The following CLSTN1 variants were observed in gnomAD, a reference collection of about 807,000 sequenced individuals.
CLSTN1 encodes calsyntenin-1.
In CLSTN1, 28 loss-of-function variants were observed where a neutral mutation model predicts 108.3. That is an observed-to-expected ratio of 0.26 (90% CI 0.19 to 0.35). The LOEUF (loss-of-function observed/expected upper bound fraction) is 0.35, where lower values mean the gene tolerates loss of function less well. Among genes scored for constraint, CLSTN1 ranks in the 10% least tolerant of loss-of-function variants. The pLI is 1.00. For missense variants in CLSTN1, 1,157 were observed against 1,302.6 expected, an observed-to-expected ratio of 0.89 and a Z score of 1.72; for synonymous variants, 524 against 534.9, an observed-to-expected ratio of 0.98 and a Z score of 0.28.
At chr1:9,802,304 CA>C (rs1363883581) in intron 1 of CLSTN1, among the ~76,000 whole-genome samples, 1 of 152,188 alleles carries the variant, frequency 6.6e-6, no homozygotes, top group Non-Finnish European at 1.5e-5. Flanking sequence ...AGAATTCCAG[CA>C]GGGCCTGGCT....
Position 9,743,945 on chromosome 1 carries a change from C to A in CLSTN1, c.1295G>T (p.Arg432Leu), listed in dbSNP as rs767080492. The A allele has an allele frequency of 1.2e-6, 2 of 1,614,106 alleles. No individual in the cohort carries two copies. Among genetic ancestry groups the A allele is most frequent in the African/African-American group, 2.7e-5 (2 of 75,014 alleles). ...TTTCTTCTCCTCAGAAGGATCCTGACGGAAGAGGAAGATCAGCCGGCACCC... is the reference window on the plus strand; with the variant it reads ...TTTCTTCTCCTCAGAAGGATCCTGAAGGAAGAGGAAGATCAGCCGGCACCC... The part of the protein sequence containing the change: ...VHGCRLIFLF[R>L]QDPSEEKKYR... The change falls in exon 9 of 19, where the codon CGT becomes CTT. Residue 432 changes from arginine to leucine, a missense_variant. Arg to Leu is a moderately radical substitution (Grantham distance 102). Transcript: ENST00000377298.
rs1208647074 is a variant in CLSTN1 at position 9,818,774 on chromosome 1, ACTCTTTTTTTTTTT to A, written c.91+4855_91+4868del. On this transcript the variant is annotated intron_variant, in intron 1 of 18. Coordinates refer to ENST00000377298, the MANE Select transcript of CLSTN1 (RefSeq NM_001009566.3). ...TTATAAAGACATATTTCTTCAAGCA[ACTCTTTTTTTTTTT>A]TTTTTTTTTTTTTTTTGAGACGGAG... Among the ~76,000 whole-genome samples, 15 of 135,626 alleles carry A rather than the reference ACTCTTTTTTTTTTT, an allele frequency of 1.1e-4. No individual in the cohort carries two copies. In the South Asian group the frequency reaches 2.1e-3, roughly 19 times the overall value. The allele number at this position is 135,626 out of a possible 152,430, so 89.0% of individuals were successfully genotyped here. A position where few individuals can be genotyped will look rare whatever the true frequency, so the allele number is the denominator to read the frequency against.
At chr1:9,783,810 T>C (rs1352541802) in intron 1 of CLSTN1, among the ~76,000 whole-genome samples, 1 of 152,050 alleles carries the variant, frequency 6.6e-6, no homozygotes, top group Non-Finnish European at 1.5e-5. Flanking sequence ...CTGGCAAACA[T>C]GGTGAAACCC....
intron 2 of CLSTN1, among the ~76,000 whole-genome samples, chr1:9,762,992 C>T (rs1335366236): frequency 3.9e-5 from 6 of 152,016 alleles, no homozygotes; most frequent in Non-Finnish European, 2.9e-5. Flanking sequence ...GACAGAGTCT[C>T]GCTCTGTCAC....
At chr1:9,813,034 G>A (rs1016073610) in intron 1 of CLSTN1, among the ~76,000 whole-genome samples, 2 of 151,438 alleles carry the variant, frequency 1.3e-5, no homozygotes, top group Non-Finnish European at 2.9e-5. Context: ...CATGGTGGCG[G>A]GTGCCTAGTA....
At chr1:9,770,785 G>C (rs1452567112) in intron 2 of CLSTN1, among the ~76,000 whole-genome samples, 1 of 152,188 alleles carries the variant, frequency 6.6e-6, no homozygotes, top group Non-Finnish European at 1.5e-5. Flanking sequence ...CCTGAGGTCA[G>C]GAGTTCAAGA....
chr1:9,737,632 T>A, intron 10 of CLSTN1, 78 bp from the exon 11 acceptor site: 1 of 1,252,130 alleles, frequency 8.0e-7, no homozygotes, highest in Non-Finnish European at 1.2e-6. Context: ...AAAACCAGGT[T>A]TGAAGCAACC....
intron 1 of CLSTN1, among the ~76,000 whole-genome samples, chr1:9,799,381 C>T (rs560378120): frequency 6.0e-4 from 92 of 152,148 alleles, no homozygotes; most frequent in African/African-American, 2.1e-3. Context: ...GTGGCTCACG[C>T]CTATAATCTC....
intron 1 of CLSTN1, among the ~76,000 whole-genome samples, chr1:9,816,803 C>T (rs755090207): frequency 6.6e-6 from 1 of 152,164 alleles, no homozygotes; most frequent in Non-Finnish European, 1.5e-5. Flanking sequence ...TGTGCCACCA[C>T]GCCCAGCTAA....
intron 1 of CLSTN1, among the ~76,000 whole-genome samples, chr1:9,814,411 C>CT (rs1408485006): frequency 1.3e-5 from 2 of 152,032 alleles, no homozygotes; most frequent in Non-Finnish European, 2.9e-5. Context: ...CTTTGCTATA[C>CT]TTTAAGTATG....
At chr1:9,747,176 C>CAAAAAAAAAAAAAAAAA (rs70998306) in intron 7 of CLSTN1, among the ~76,000 whole-genome samples, 1 of 32,744 alleles carries the variant, frequency 3.1e-5, no homozygotes, top group African/African-American at 8.2e-5. Flanking sequence ...GAGACTGTCT[C>CAAAAAAAAAAAAAAAAA]AAAAAAAAAA....
chr1:9,803,274 T>C (rs1173505119), intron 1 of CLSTN1, among the ~76,000 whole-genome samples: 1 of 152,128 alleles, frequency 6.6e-6, no homozygotes, highest in Non-Finnish European at 1.5e-5. Flanking sequence ...ACTGGATTTA[T>C]GGGATATAGT....
chr1:9,747,650 C>A (rs1222643699), intron 7 of CLSTN1, among the ~76,000 whole-genome samples: 1 of 152,000 alleles, frequency 6.6e-6, no homozygotes, highest in Non-Finnish European at 1.5e-5. Context: ...GCACCTCGCA[C>A]CACGCCTGGC....
Position 9,735,108 on chromosome 1 carries a change from G to T in CLSTN1, c.1950C>A (p.Pro650=). The change falls in exon 14 of 19, where the codon CCC becomes CCA. Residue 650 remains proline (P), a synonymous_variant. Transcript: ENST00000377298. ...CACTCAGGCTGATCTTGGGCTCCTCGGGCTGTAAAACCATCACGTAGCCAT... is the reference window on the plus strand; with the variant it reads ...CACTCAGGCTGATCTTGGGCTCCTCTGGCTGTAAAACCATCACGTAGCCAT... The part of the protein sequence containing the change: ...PVDGYVMVLQ[P]EEPKISLSGV... 1 of 1,614,188 alleles carries T rather than the reference G, an allele frequency of 6.2e-7. No individual in the cohort carries two copies. The highest frequency in any genetic ancestry group is 8.5e-7 in the Non-Finnish European group (1 of 1,180,026).
At chr1:9,748,766 G>T (rs1485747725) in intron 7 of CLSTN1, among the ~76,000 whole-genome samples, 2 of 152,086 alleles carry the variant, frequency 1.3e-5, no homozygotes, top group African/African-American at 4.8e-5. Flanking sequence ...TAAGATTATA[G>T]GCATGAGCCC....
intron 1 of CLSTN1, among the ~76,000 whole-genome samples, chr1:9,799,801 C>T (rs772499723): frequency 8.6e-5 from 13 of 151,652 alleles, no homozygotes; most frequent in Non-Finnish European, 8.8e-5. Flanking sequence ...ATTAGCTGGG[C>T]GTGCTGGTGG....
In CLSTN1 at chr1:9,730,168, C is replaced by T; in HGVS notation, c.*340G>A. 2.6e-6 allele frequency: 1 copy of T among 382,748 alleles called. No individual in the cohort carries two copies. The highest frequency in any genetic ancestry group is 4.8e-6 in the Non-Finnish European group (1 of 208,036). The allele number at this position is 382,748 out of a possible 1,614,324, so 23.7% of individuals were successfully genotyped here. A position where few individuals can be genotyped will look rare whatever the true frequency, so the allele number is the denominator to read the frequency against. On this transcript the variant is annotated 3_prime_UTR_variant, in exon 19 of 19. Coordinates refer to ENST00000377298, the MANE Select transcript of CLSTN1 (RefSeq NM_001009566.3). This position sits in a 1 kb window ranked among gnomAD's most constrained non-coding sequence, Gnocchi z 5.6. ...TTTTACCCTTTGTCAACGAGCCCAG[C>T]TGGCATGGCTTTTCTGGAGTGCGAG... is the stretch of plus-strand genomic sequence containing the variant.
At chr1:9,794,399 C>A (rs1653899730) in intron 1 of CLSTN1, among the ~76,000 whole-genome samples, 1 of 151,486 alleles carries the variant, frequency 6.6e-6, no homozygotes, top group African/African-American at 2.4e-5. Flanking sequence ...ACCTCCTCCT[C>A]CCAGGCTCAA....
chr1:9,750,715 C>CAAAAAAAAAA (rs775430059), intron 5 of CLSTN1, among the ~76,000 whole-genome samples: 1,863 of 77,010 alleles, frequency 0.024, 52 homozygotes, highest in Non-Finnish European at 0.04. Flanking sequence ...TTCCCTCAAA[C>CAAAAAAAAAA]AAAAAAAAAA....
Sources: gnomAD v4.1 joint callset for allele counts (sites outside exome capture counted in the v4.1 genomes callset) on GRCh38, gnomAD v4.1.1 for gene constraint, Gnocchi (gnomAD v3.1) non-coding constraint, MANE v1.5 for transcripts, NCBI Gene and HGNC (gene_info 2026-07-23, HGNC 2026-07-21) for gene names.